MTUS1: variants seen among roughly 807,000 people sequenced by gnomAD.
MTUS1 encodes the protein microtubule associated scaffold protein 1.
In MTUS1, 109 loss-of-function variants were observed where a neutral mutation model predicts 120.8. The observed-to-expected ratio is 0.90, with a 90% CI of 0.77 to 1.06. The LOEUF is 1.06. Among genes scored for constraint, MTUS1 ranks in the 50% least tolerant of loss-of-function variants. The pLI, the probability that MTUS1 is intolerant of heterozygous loss-of-function variation, is 0.00. For synonymous variants in MTUS1, 737 were observed against 550.5 expected (o/e 1.34, Z -4.74); for missense variants, 2,210 against 1,486.3 (o/e 1.49, Z -8.01).
In MTUS1 at chr8:17,755,801, C is replaced by G. The variant is rs201511934; in HGVS notation, c.7G>C (p.Asp3His). 6.2e-7 allele frequency: 1 copy of G among 1,612,134 alleles called. No homozygotes were observed. Among genetic ancestry groups the G allele is most frequent in the Non-Finnish European group, 8.5e-7 (1 of 1,179,172 alleles). ...TCTATTTTATCATCTGAATTATCAT[C>G]AGTCATCCTGAATAGTAACCTTAAA... MT[D>H]DNSDDKIEDE... Residue 3 changes from aspartate (D) to histidine (H), a missense_variant, in exon 2 of 15, where the codon GAT becomes CAT. Coordinates refer to ENST00000693296, the MANE Select transcript of MTUS1 (RefSeq NM_001363059.2).
At chr8:17,738,502 T>C (rs1426876275) in intron 3 of MTUS1, among the ~76,000 whole-genome samples, 1 of 152,212 alleles carries the variant, frequency 6.6e-6, no homozygotes, top group East Asian at 1.9e-4. Flanking sequence ...GATGTCTGAA[T>C]TGATCATGAA....
rs747181597 is a variant in MTUS1 at position 17,755,475 on chromosome 8, A to T, written c.333T>A (p.Thr111=). The change falls in exon 2 of 15, where the codon ACT becomes ACA. Residue 111 remains threonine, a synonymous_variant. Coordinates refer to ENST00000693296, the MANE Select transcript of MTUS1 (RefSeq NM_001363059.2). The part of the protein sequence containing the change: ...SICQCPALVG[T]EKPKYLQHSC... The stretch of plus-strand genomic sequence containing the variant: ...TGTGTTGCAGATATTTGGGCTTCTC[A>T]GTACCTACAAGTGCAGGACACTGAC... 6.2e-7 allele frequency: 1 copy of T among 1,614,230 alleles called. No individual in the cohort carries two copies.
chr8:17,683,726 G>A (rs988437730), intron 7 of MTUS1, among the ~76,000 whole-genome samples: 1 of 152,112 alleles, frequency 6.6e-6, no homozygotes, highest in African/African-American at 2.4e-5. Context: ...TGCTATGTCA[G>A]TAACATGTTG....
intron 1 of MTUS1, chr8:17,800,613 A>AT (rs1426313910): frequency 1.3e-5 from 2 of 152,152 alleles, no homozygotes; most frequent in African/African-American, 4.8e-5. Context: ...TTAAGATGAG[A>AT]TTTTTCTAGA....
At chr8:17,692,291 C>G (rs1049538836) in intron 6 of MTUS1, 1 of 152,116 alleles carries the variant, frequency 6.6e-6, no homozygotes, top group African/African-American at 2.4e-5. Context: ...GCCAATGAGA[C>G]GGAAGCTTAA....
chr8:17,707,508 A>C (rs977497628), intron 6 of MTUS1, among the ~76,000 whole-genome samples: 2 of 152,168 alleles, frequency 1.3e-5, no homozygotes, highest in African/African-American at 4.8e-5. Context: ...TTAAGCTGCA[A>C]TGTTGACCCC....
chr8:17,709,851 C>G (rs1039349626), intron 6 of MTUS1, among the ~76,000 whole-genome samples: 2 of 151,694 alleles, frequency 1.3e-5, no homozygotes, highest in African/African-American at 4.8e-5. Context: ...ACTAAAAATA[C>G]AAAAAATTAG....
intron 1 of MTUS1, among the ~76,000 whole-genome samples, chr8:17,761,911 G>T (rs947452778): frequency 6.6e-6 from 1 of 152,126 alleles, no homozygotes; most frequent in East Asian, 1.9e-4. Flanking sequence ...AATATTACCT[G>T]ATCTTCAACC....
chr8:17,739,178 AC>A (rs545967453), intron 3 of MTUS1, among the ~76,000 whole-genome samples: 58 of 152,140 alleles, frequency 3.8e-4, no homozygotes, highest in African/African-American at 1.4e-3. Context: ...AAACAAAAAA[AC>A]AAATTAGACT....
At chr8:17,751,644 G>C (rs987830583) in intron 2 of MTUS1, among the ~76,000 whole-genome samples, 1 of 152,048 alleles carries the variant, frequency 6.6e-6, no homozygotes, top group African/African-American at 2.4e-5. Context: ...TGGATCATGA[G>C]GTCAAGAGAT....
intron 2 of MTUS1, among the ~76,000 whole-genome samples, chr8:17,752,848 C>G (rs1006611787): frequency 6.6e-6 from 1 of 152,114 alleles, no homozygotes; most frequent in African/African-American, 2.4e-5. Context: ...TCCCCACTGC[C>G]AAAAATAGGG....
chr8:17,647,330 C>T (rs1159682999), intron 13 of MTUS1: 6 of 374,462 alleles, frequency 1.6e-5, no homozygotes, highest in Non-Finnish European at 2.9e-5. Flanking sequence ...CAGATTTGTT[C>T]CAGGTCATGT....
At chr8:17,726,053 G>A (rs896154893) in intron 3 of MTUS1, among the ~76,000 whole-genome samples, 3 of 151,952 alleles carry the variant, frequency 2.0e-5, no homozygotes, top group East Asian at 1.9e-4. Flanking sequence ...CAGTCATTTC[G>A]CTCTATTCTT....
At chr8:17,690,582 G>GAAAATT (rs1271561953) in intron 6 of MTUS1, among the ~76,000 whole-genome samples, 8 of 152,008 alleles carry the variant, frequency 5.3e-5, no homozygotes, top group Non-Finnish European at 1.2e-4. Context: ...TAACAGAAAT[G>GAAAATT]AAAATTAAAA....
At chr8:17,750,165 T>C (rs149953583) in intron 2 of MTUS1, among the ~76,000 whole-genome samples, 252 of 152,308 alleles carry the variant, frequency 1.7e-3, no homozygotes, top group African/African-American at 5.8e-3. Flanking sequence ...GCAGTCGAAT[T>C]CATACATTAG....
At chr8:17,709,313 T>A (rs1820803208) in intron 6 of MTUS1, among the ~76,000 whole-genome samples, 1 of 152,110 alleles carries the variant, frequency 6.6e-6, no homozygotes, top group Non-Finnish European at 1.5e-5. Flanking sequence ...AATTTATACC[T>A]CTTGCCCAGG....
At position 17,796,140 on chromosome 8, in the gene MTUS1, G is replaced by A. The variant is rs1338988221; in HGVS notation, c.-155+4921C>T. 2.0e-4 allele frequency among the ~76,000 whole-genome samples: 25 copies of A among 127,338 alleles called. No individual in the cohort carries two copies. In the Admixed American group the frequency reaches 2.0e-3, roughly 10 times the overall value. 83.5% of individuals were successfully genotyped at this position (127,338 alleles called of 152,430 possible). A position where few individuals can be genotyped will look rare whatever the true frequency, so the allele number is the denominator to read the frequency against. On this transcript the variant is annotated intron_variant, in intron 1 of 14. Coordinates refer to ENST00000693296, the MANE Select transcript of MTUS1 (RefSeq NM_001363059.2). Reference sequence around the variant, plus strand: ...AATTTTTTGTATTTTTAGTAGAGATGGGGTTTCACTATGTTGGCCAGGGTA... The same window carrying A: ...AATTTTTTGTATTTTTAGTAGAGATAGGGTTTCACTATGTTGGCCAGGGTA...
chr8:17,649,649 A>G (rs540563345), intron 13 of MTUS1, among the ~76,000 whole-genome samples, 197 bp downstream of exon 13: 1 of 152,356 alleles, frequency 6.6e-6, no homozygotes, highest in East Asian at 1.9e-4. Flanking sequence ...TGTTCCTTGA[A>G]AAAGAAAACA....
chr8:17,706,579 T>G (rs1357937232), intron 6 of MTUS1, among the ~76,000 whole-genome samples: 1 of 152,200 alleles, frequency 6.6e-6, no homozygotes, highest in Non-Finnish European at 1.5e-5. Flanking sequence ...GTCTTTTATG[T>G]CAACCACGGT....
Sources: allele counts gnomAD v4.1 joint callset (sites outside exome capture counted in the v4.1 genomes callset), GRCh38; gene constraint gnomAD v4.1.1; transcripts MANE v1.5; gene names NCBI Gene and HGNC (gene_info 2026-07-23, HGNC 2026-07-21).